Variants in VDAC1 observed in about 807,000 individuals in gnomAD.
The protein encoded by VDAC1 is voltage dependent anion channel 1.
In VDAC1, 10 loss-of-function variants were observed where a neutral mutation model predicts 34.7. The ratio of observed to expected loss-of-function variants is 0.29; its 90% CI spans 0.18 to 0.49. The LOEUF is 0.49. Ranked by LOEUF, VDAC1 falls within the 20% of genes least tolerant of loss-of-function variation. The pLI, the probability that VDAC1 is intolerant of heterozygous loss-of-function variation, is 0.99. For synonymous variants in VDAC1, 130 were observed against 136.0 expected (o/e 0.96, Z 0.30); for missense variants, 230 against 347.9 (o/e 0.66, Z 2.69).
chr5:134,077,863 C>G, the VDAC1 span, among the ~76,000 whole-genome samples: 1 of 152,248 alleles, frequency 6.6e-6, no homozygotes, highest in Non-Finnish European at 1.5e-5. Context: ...AGCTCTCCTA[C>G]TAAAGCCAGA....
chr5:134,017,374 G>A, the VDAC1 span, among the ~76,000 whole-genome samples: 1 of 152,112 alleles, frequency 6.6e-6, no homozygotes, highest in African/African-American at 2.4e-5. Flanking sequence ...GCTGAGGCAG[G>A]AGAACCTGGA....
At chr5:134,063,066 T>C in the VDAC1 span, among the ~76,000 whole-genome samples, 1 of 152,270 alleles carries the variant, frequency 6.6e-6, no homozygotes, top group Non-Finnish European at 1.5e-5. Flanking sequence ...AAACTTTTAG[T>C]TCTGGAATAA....
the VDAC1 span, among the ~76,000 whole-genome samples, chr5:134,087,287 G>A: frequency 1.3e-5 from 2 of 152,066 alleles, no homozygotes; most frequent in African/African-American, 2.4e-5. Context: ...GCAAGGAGGG[G>A]AGGCGGATTG....
chr5:134,112,995 T>G, the VDAC1 span, among the ~76,000 whole-genome samples: 2 of 152,076 alleles, frequency 1.3e-5, no homozygotes, highest in African/African-American at 4.8e-5. Flanking sequence ...AGATCCGGAT[T>G]CCCTTTCAGC....
At chr5:134,013,931 G>GTGC in the VDAC1 span, among the ~76,000 whole-genome samples, 26 of 151,616 alleles carry the variant, frequency 1.7e-4, no homozygotes, top group Admixed American at 1.1e-3. Context: ...GACAGAGTGA[G>GTGC]ACTCCGTCTC....
At chr5:134,104,563 G>A in the VDAC1 span, among the ~76,000 whole-genome samples, 2 of 152,232 alleles carry the variant, frequency 1.3e-5, no homozygotes, top group Non-Finnish European at 2.9e-5. Flanking sequence ...GGGGTAGGGA[G>A]AGGGAGGCAA....
chr5:134,018,867 A>G, the VDAC1 span, among the ~76,000 whole-genome samples: 1 of 152,170 alleles, frequency 6.6e-6, no homozygotes, highest in Non-Finnish European at 1.5e-5. Context: ...TAAAAACTCT[A>G]GGTCCCAAGT....
chr5:134,092,452 G>C, the VDAC1 span, among the ~76,000 whole-genome samples: 1 of 152,128 alleles, frequency 6.6e-6, no homozygotes, highest in Non-Finnish European at 1.5e-5. Context: ...AAAGAATAAG[G>C]GTGGGGTCCT....
chr5:134,004,670 C>T (rs1322124713), intron 1 of VDAC1: 1 of 151,930 alleles, frequency 6.6e-6, no homozygotes, highest in Non-Finnish European at 1.5e-5. Flanking sequence ...GCGGCGGGCT[C>T]GGAGGCGGCT....
chr5:134,017,767 G>T, the VDAC1 span, among the ~76,000 whole-genome samples: 1 of 152,078 alleles, frequency 6.6e-6, no homozygotes, highest in Non-Finnish European at 1.5e-5. Flanking sequence ...CAAAAAATTA[G>T]CCGGGCTTAG....
the VDAC1 span, among the ~76,000 whole-genome samples, chr5:134,077,311 C>T: frequency 1.3e-5 from 2 of 150,884 alleles, no homozygotes; most frequent in African/African-American, 2.4e-5. Context: ...TAAACATTCA[C>T]CCTTAAACCT....
chr5:134,068,689 T>C, the VDAC1 span, among the ~76,000 whole-genome samples: 1 of 152,184 alleles, frequency 6.6e-6, no homozygotes, highest in Non-Finnish European at 1.5e-5. Context: ...ATTTTCTCTG[T>C]TCGGAAACCA....
chr5:133,991,302 T>A, intron 3 of VDAC1, 148 bp from the exon 4 acceptor site: 1 of 1,007,558 alleles, frequency 9.9e-7, no homozygotes, highest in Non-Finnish European at 1.4e-6. Flanking sequence ...AATAGATATT[T>A]AAAGTACAGA....
the VDAC1 span, among the ~76,000 whole-genome samples, chr5:134,047,258 C>G: frequency 6.6e-6 from 1 of 152,062 alleles, no homozygotes; most frequent in Non-Finnish European, 1.5e-5. Context: ...GGCAGGAACC[C>G]TGGTTAATAA....
intron 1 of VDAC1, among the ~76,000 whole-genome samples, chr5:133,995,854 G>A (rs1404552584): frequency 6.6e-6 from 1 of 152,134 alleles, no homozygotes. Context: ...AAGAAAAGTC[G>A]GCAACAAAGC....
At chr5:134,109,630 C>T in the VDAC1 span, among the ~76,000 whole-genome samples, 1 of 152,020 alleles carries the variant, frequency 6.6e-6, no homozygotes, top group African/African-American at 2.4e-5. Context: ...ATTAGCCGAG[C>T]GTGGTGGCAG....
chr5:134,055,604 T>TGTTTTTG, the VDAC1 span, among the ~76,000 whole-genome samples: 1 of 140,984 alleles, frequency 7.1e-6, no homozygotes, highest in African/African-American at 2.6e-5. Context: ...TTTTTTTTTT[T>TGTTTTTG]TTTTTTTTTT....
At chr5:134,051,621 C>T in the VDAC1 span, among the ~76,000 whole-genome samples, 1 of 150,950 alleles carries the variant, frequency 6.6e-6, no homozygotes, top group African/African-American at 2.4e-5. Context: ...TCATCAATAC[C>T]AATCAACAGG....
At chr5:134,048,313 C>T in the VDAC1 span, among the ~76,000 whole-genome samples, 1 of 150,416 alleles carries the variant, frequency 6.6e-6, no homozygotes, top group African/African-American at 2.5e-5. Context: ...GTCGCCCAGG[C>T]TGGAGGGCAG....
Sources: gnomAD v4.1 joint callset for allele counts (sites outside exome capture counted in the v4.1 genomes callset) on GRCh38, gnomAD v4.1.1 for gene constraint, MANE v1.5 for transcripts, NCBI Gene and HGNC (gene_info 2026-07-23, HGNC 2026-07-21) for gene names.